The following STK24 variants were observed in gnomAD, a reference collection of about 807,000 sequenced individuals.
STK24 encodes the protein serine/threonine kinase 24.
STK24 carries 21 observed loss-of-function variants against 55.6 expected under a neutral mutation model. The ratio of observed to expected loss-of-function variants is 0.38; its 90% confidence interval spans 0.27 to 0.54. The LOEUF (loss-of-function observed/expected upper bound fraction) is 0.54. STK24 is among the 20% of genes least tolerant of loss of function. STK24 has a pLI of 0.79. For synonymous variants in STK24, 200 were observed against 215.2 expected (o/e 0.93, Z 0.62); for missense variants, 383 against 538.4 (o/e 0.71, Z 2.86).
intron 1 of STK24, among the ~76,000 whole-genome samples, chr13:98,573,014 A>G (rs1023726953): frequency 6.6e-6 from 1 of 152,204 alleles, no homozygotes; most frequent in Non-Finnish European, 1.5e-5. Context: ...TTTCAGCGCC[A>G]ACATGACACT....
intron 1 of STK24, among the ~76,000 whole-genome samples, chr13:98,532,983 G>C (rs1455378311): frequency 6.6e-6 from 1 of 152,192 alleles, no homozygotes; most frequent in African/African-American, 2.4e-5. Flanking sequence ...ACATCATCTA[G>C]AGGACAAGCT....
chr13:98,473,838 G>A (rs548131299), intron 5 of STK24, among the ~76,000 whole-genome samples: 12 of 152,370 alleles, frequency 7.9e-5, no homozygotes, highest in Middle Eastern at 3.4e-3. Flanking sequence ...ACAGTCTATA[G>A]CTTGCAACGG....
At chr13:98,508,285 A>AT (rs920550138) in intron 2 of STK24, among the ~76,000 whole-genome samples, 3 of 152,174 alleles carry the variant, frequency 2.0e-5, no homozygotes, top group Non-Finnish European at 2.9e-5. Context: ...AAAATCAAGG[A>AT]TTTTTTTCCC....
chr13:98,576,067 G>C (rs1897881613), intron 1 of STK24: 20 of 984,712 alleles, frequency 2.0e-5, no homozygotes, highest in Non-Finnish European at 2.4e-5. Flanking sequence ...CCAGGGTCCC[G>C]GGGCCGGGCC....
At position 98,451,923 on chromosome 13, in the gene STK24, C is replaced by T. The variant is rs1028552462; in HGVS notation, c.*1250G>A. On this transcript the variant is annotated 3_prime_UTR_variant, in exon 11 of 11. Transcript: ENST00000539966. ...AATAACTCTTAAGGTCCCCGGCAAC[C>T]GCTACAGCAATCGCACAGATCAGCA... 4.6e-5 allele frequency: 7 copies of T among 152,176 alleles called. No individual in the cohort carries two copies. The highest frequency in any genetic ancestry group is 1.3e-4 in the Admixed American group (2 of 15,270). 9.4% of individuals were successfully genotyped at this position (152,176 alleles called of 1,614,324 possible). A position where few individuals can be genotyped will look rare whatever the true frequency, so the allele number is the denominator to read the frequency against.
At chr13:98,544,778 T>C (rs7335515) in intron 1 of STK24, among the ~76,000 whole-genome samples, 3,673 of 152,164 alleles carry the variant, frequency 0.024, 164 homozygotes, top group African/African-American at 0.084. Context: ...CTCTCAACTC[T>C]CAAAGAAATT....
At chr13:98,554,068 C>CAAA (rs36119384) in intron 1 of STK24, among the ~76,000 whole-genome samples, 29 of 98,160 alleles carry the variant, frequency 3.0e-4, no homozygotes, top group African/African-American at 8.7e-4. Context: ...GACTCAGTCT[C>CAAA]AAAAAAAAAA....
chr13:98,490,739 C>A (rs1894993527), intron 2 of STK24, among the ~76,000 whole-genome samples: 1 of 151,914 alleles, frequency 6.6e-6, no homozygotes, highest in African/African-American at 2.4e-5. Context: ...AAGGCCTCAT[C>A]CTCCCTTGTG....
intron 1 of STK24, among the ~76,000 whole-genome samples, chr13:98,525,000 T>A (rs945764129): frequency 6.6e-6 from 1 of 152,224 alleles, no homozygotes; most frequent in African/African-American, 2.4e-5. Context: ...AAGGCAGCCA[T>A]CTGCTGAGGC....
At chr13:98,566,487 G>A (rs1897574362) in intron 1 of STK24, among the ~76,000 whole-genome samples, 2 of 152,208 alleles carry the variant, frequency 1.3e-5, no homozygotes, top group Admixed American at 6.5e-5. Context: ...GAGGCCTTGG[G>A]CAGGTTTCAT....
intron 9 of STK24, among the ~76,000 whole-genome samples, chr13:98,457,555 C>G (rs781532917): frequency 6.6e-6 from 1 of 151,438 alleles, no homozygotes; most frequent in Non-Finnish European, 1.5e-5. Context: ...CTGCAACCTC[C>G]GCCTCCTGGG....
chr13:98,542,598 T>G (rs1259493677), intron 1 of STK24, among the ~76,000 whole-genome samples: 2 of 152,310 alleles, frequency 1.3e-5, no homozygotes, highest in African/African-American at 4.8e-5. Context: ...AGAAACAGCC[T>G]ACAAGGTAGT....
At chr13:98,476,354 G>A (rs1198136617) in intron 3 of STK24, among the ~76,000 whole-genome samples, 1 of 151,690 alleles carries the variant, frequency 6.6e-6, no homozygotes, top group African/African-American at 2.4e-5. Context: ...CCAGACAGAG[G>A]GCAGATGTCT....
chr13:98,459,082 G>A (rs1284475757), intron 9 of STK24, among the ~76,000 whole-genome samples: 10 of 152,294 alleles, frequency 6.6e-5, no homozygotes, highest in South Asian at 2.1e-4. Context: ...ACAGCCTCAG[G>A]AGAATGAAAA....
chr13:98,539,532 C>T (rs1416831926), intron 1 of STK24, among the ~76,000 whole-genome samples: 1 of 151,546 alleles, frequency 6.6e-6, no homozygotes, highest in African/African-American at 2.4e-5. Flanking sequence ...GCCCAGTGTT[C>T]TTCTCTCGAC....
At position 98,450,434 on chromosome 13, in the gene STK24, T is replaced by TA. The variant is rs56369818; in HGVS notation, c.*2738dup. On this transcript the variant is annotated 3_prime_UTR_variant, in exon 11 of 11. Coordinates refer to ENST00000539966, the MANE Select transcript of STK24 (RefSeq NM_001032296.4). The stretch of plus-strand genomic sequence containing the variant: ...CCACTTCACAAGAGCAATGCAGGGA[T>TA]AAAACTATTGGATAAGGAAGGCAGA... 0.073 allele frequency: 11,039 copies of TA among 152,254 alleles called. 510 individuals carry two copies. The highest frequency in any genetic ancestry group is 0.15 in the Middle Eastern group (43 of 294). The allele number at this position is 152,254 out of a possible 1,614,324, so 9.4% of individuals were successfully genotyped here.
intron 1 of STK24, among the ~76,000 whole-genome samples, chr13:98,565,048 C>T (rs562620118): frequency 6.6e-6 from 1 of 152,198 alleles, no homozygotes; most frequent in Admixed American, 6.5e-5. Flanking sequence ...TTTGGAAATA[C>T]AAGCCATAGG....
At chr13:98,575,539 T>A (rs150950496) in intron 1 of STK24, among the ~76,000 whole-genome samples, 3 of 152,112 alleles carry the variant, frequency 2.0e-5, no homozygotes, top group Admixed American at 1.3e-4. Context: ...AGTTTTCTTT[T>A]TACGGTTTCA....
At chr13:98,571,015 T>C (rs1897724206) in intron 1 of STK24, among the ~76,000 whole-genome samples, 1 of 152,120 alleles carries the variant, frequency 6.6e-6, no homozygotes, top group Non-Finnish European at 1.5e-5. Flanking sequence ...AAAGGTGGCT[T>C]GGGTGTGGTC....
Sources: gnomAD v4.1 joint callset for allele counts (sites outside exome capture counted in the v4.1 genomes callset) on GRCh38, gnomAD v4.1.1 for gene constraint, MANE v1.5 for transcripts, NCBI Gene and HGNC (gene_info 2026-07-23, HGNC 2026-07-21) for gene names.